The following CNTNAP5 variants were observed in gnomAD, a reference collection of about 807,000 sequenced individuals.
CNTNAP5 encodes contactin-associated protein-like 5.
In CNTNAP5, 72 loss-of-function variants were observed where a neutral mutation model predicts 150.2. That is an observed-to-expected ratio of 0.48 (90% CI 0.40 to 0.58). The LOEUF (loss-of-function observed/expected upper bound fraction) is 0.58, where lower values mean the gene tolerates loss of function less well. Ranked by LOEUF, CNTNAP5 falls within the 20% of genes least tolerant of loss-of-function variation. The pLI is 0.00. For missense variants in CNTNAP5, 1,636 were observed against 1,626.2 expected (o/e 1.01, Z -0.10); for synonymous variants, 672 against 619.8 (o/e 1.08, Z -1.25).
At chr2:124,697,995 T>G (rs1172860806) in intron 13 of CNTNAP5, among the ~76,000 whole-genome samples, 1 of 152,128 alleles carries the variant, frequency 6.6e-6, no homozygotes, top group Non-Finnish European at 1.5e-5. Flanking sequence ...GTAGAAGACA[T>G]TTTAGCATGA....
In CNTNAP5 at chr2:124,647,111, C is replaced by T. The variant is rs200953003; in HGVS notation, c.1877-647C>T. On this transcript the variant is annotated intron_variant, in intron 12 of 23. Coordinates refer to ENST00000682447, the MANE Select transcript of CNTNAP5 (RefSeq NM_001367498.1). ...CTCTCACTGCCTTACCTTCTTTCGC[C>T]TATTAGGCAAAATATGTCCTTCCGT... is the stretch of plus-strand genomic sequence containing the variant. Among the ~76,000 whole-genome samples, 70 of 152,258 alleles carry T rather than the reference C, an allele frequency of 4.6e-4. 1 individual carries two copies. In the East Asian group the frequency reaches 7.1e-3, roughly 16 times the overall value.
intron 4 of CNTNAP5, among the ~76,000 whole-genome samples, chr2:124,432,199 G>C (rs1468745974): frequency 6.6e-6 from 1 of 152,200 alleles, no homozygotes; most frequent in Non-Finnish European, 1.5e-5. Flanking sequence ...TGGGACAAAT[G>C]CATCCATGAA....
chr2:124,039,792 T>C (rs1256647750), intron 1 of CNTNAP5, among the ~76,000 whole-genome samples: 2 of 152,186 alleles, frequency 1.3e-5, no homozygotes, highest in Non-Finnish European at 2.9e-5. Context: ...TAATTAAATA[T>C]AGGATGGTAT....
intron 1 of CNTNAP5, among the ~76,000 whole-genome samples, chr2:124,125,005 C>A (rs543265337): frequency 3.5e-4 from 53 of 152,324 alleles, no homozygotes; most frequent in African/African-American, 1.2e-3. Context: ...ACTGCATCAA[C>A]TAATGAGCAA....
At chr2:124,842,486 C>T (rs534783936) in intron 19 of CNTNAP5, among the ~76,000 whole-genome samples, 2 of 152,244 alleles carry the variant, frequency 1.3e-5, no homozygotes, top group East Asian at 1.9e-4. Context: ...GTGAAGCATA[C>T]AGTAAGGAAA....
chr2:124,178,005 C>T (rs1274546127), intron 1 of CNTNAP5, among the ~76,000 whole-genome samples: 1 of 151,980 alleles, frequency 6.6e-6, no homozygotes, highest in Non-Finnish European at 1.5e-5. Flanking sequence ...CACAACCACG[C>T]CTAGCTAATT....
rs61340026 is a variant in CNTNAP5 at position 124,883,070 on chromosome 2, CTTT to C, written c.3436+13324_3436+13326del. Among the ~76,000 whole-genome samples the C allele has an allele frequency of 9.2e-4, 131 of 142,092 alleles. 2 individuals carry two copies. The highest frequency in any genetic ancestry group is 7.4e-3 in the Middle Eastern group (2 of 272). The allele number at this position is 142,092 out of a possible 152,430, so 93.2% of individuals were successfully genotyped here. The stretch of plus-strand genomic sequence containing the variant: ...CATATCAATATATATCATCCATTCT[CTTT>C]TTTTTTTTTTTTTTTGAGACTATCT... On this transcript the variant is annotated intron_variant, in intron 21 of 23. Coordinates refer to ENST00000682447, the MANE Select transcript of CNTNAP5 (RefSeq NM_001367498.1).
intron 8 of CNTNAP5, among the ~76,000 whole-genome samples, chr2:124,520,464 T>G (rs1302809479): frequency 6.6e-6 from 1 of 152,228 alleles, no homozygotes; most frequent in Non-Finnish European, 1.5e-5. Context: ...TGTGCAAATT[T>G]AGGCTGCCAC....
intron 13 of CNTNAP5, among the ~76,000 whole-genome samples, chr2:124,709,106 TA>T (rs1679753409): frequency 6.6e-6 from 1 of 152,052 alleles, no homozygotes; most frequent in Admixed American, 6.6e-5. Context: ...CTCGGGCCCA[TA>T]AAAGTAGCAA....
At chr2:124,042,570 T>C (rs1288530302) in intron 1 of CNTNAP5, among the ~76,000 whole-genome samples, 1 of 152,166 alleles carries the variant, frequency 6.6e-6, no homozygotes, top group African/African-American at 2.4e-5. Flanking sequence ...GACTAGGAAC[T>C]GCAAAGGTAA....
chr2:124,323,478 T>A (rs1229439499), intron 3 of CNTNAP5, among the ~76,000 whole-genome samples: 1 of 152,176 alleles, frequency 6.6e-6, no homozygotes, highest in African/African-American at 2.4e-5. Flanking sequence ...TGCAAGGGAA[T>A]CAAGTGCAGC....
At chr2:124,271,473 C>G (rs1687750084) in intron 3 of CNTNAP5, among the ~76,000 whole-genome samples, 1 of 151,982 alleles carries the variant, frequency 6.6e-6, no homozygotes, top group African/African-American at 2.4e-5. Context: ...AACGATGTAA[C>G]AGGATGAATG....
intron 21 of CNTNAP5, among the ~76,000 whole-genome samples, chr2:124,898,349 T>A (rs186840743): frequency 6.6e-6 from 1 of 151,544 alleles, no homozygotes; most frequent in East Asian, 1.9e-4. Flanking sequence ...GATCTTTTCG[T>A]GTTTCTTTCA....
At chr2:124,181,608 CACTA>C (rs1328862669) in intron 1 of CNTNAP5, among the ~76,000 whole-genome samples, 1 of 152,146 alleles carries the variant, frequency 6.6e-6, no homozygotes, top group East Asian at 1.9e-4. Flanking sequence ...AATTGTTCTG[CACTA>C]ACTGAGAAAG....
intron 1 of CNTNAP5, among the ~76,000 whole-genome samples, chr2:124,059,593 C>T (rs936727930): frequency 6.7e-6 from 1 of 148,536 alleles, no homozygotes; most frequent in African/African-American, 2.5e-5. Context: ...ATATTAGGCA[C>T]TCAATAACTG....
intron 8 of CNTNAP5, among the ~76,000 whole-genome samples, chr2:124,507,700 T>TA (rs1694446014): frequency 3.9e-5 from 6 of 152,296 alleles, no homozygotes; most frequent in Admixed American, 3.9e-4. Flanking sequence ...ACAGAAAGCC[T>TA]TGTTGTAGCA....
chr2:124,359,100 T>C lies in CNTNAP5; in HGVS notation c.382-58343T>C, dbSNP rs1434373749. On this transcript the variant is annotated intron_variant, in intron 3 of 23. Coordinates refer to ENST00000682447, the MANE Select transcript of CNTNAP5 (RefSeq NM_001367498.1). ...TTCTAGTTTATTTGCATAGAGGTGT[T>C]TGTAGTATTCTCTGATGGTAGTTTG... Among the ~76,000 whole-genome samples, 3 of 152,152 alleles carry C rather than the reference T, an allele frequency of 2.0e-5. No individual in the cohort carries two copies. In the East Asian group the frequency reaches 5.8e-4, roughly 29 times the overall value.
intron 1 of CNTNAP5, among the ~76,000 whole-genome samples, chr2:124,210,968 C>A (rs1397854645): frequency 1.3e-5 from 2 of 152,158 alleles, no homozygotes; most frequent in African/African-American, 4.8e-5. Flanking sequence ...TTTCTGTTCC[C>A]TTTAAGAGTC....
chr2:124,328,105 T>A (rs999122478), intron 3 of CNTNAP5, among the ~76,000 whole-genome samples: 2 of 152,162 alleles, frequency 1.3e-5, no homozygotes, highest in Admixed American at 6.5e-5. Flanking sequence ...GAAAAGTTTT[T>A]TAAAAAAGTT....
Sources: allele counts gnomAD v4.1 joint callset (sites outside exome capture counted in the v4.1 genomes callset), GRCh38; gene constraint gnomAD v4.1.1; transcripts MANE v1.5; gene names NCBI Gene and HGNC (gene_info 2026-07-23, HGNC 2026-07-21).